DYNC2I2: variants seen among roughly 807,000 people sequenced by gnomAD.
DYNC2I2 encodes dynein 2 intermediate chain 2.
DYNC2I2 carries 39 observed loss-of-function variants against 52.0 expected under a neutral mutation model. The ratio of observed to expected loss-of-function variants is 0.75; its 90% confidence interval spans 0.58 to 0.98. DYNC2I2 has a LOEUF of 0.98. Among genes scored for constraint, DYNC2I2 ranks in the 50% least tolerant of loss-of-function variants. The pLI, the probability that DYNC2I2 is intolerant of heterozygous loss-of-function variation, is 0.00. For missense variants in DYNC2I2, 743 were observed against 728.4 expected (o/e 1.02, Z -0.23); for synonymous variants, 359 against 321.1 (o/e 1.12, Z -1.26).
At chr9:128,674,052 C>A in the DYNC2I2 span, among the ~76,000 whole-genome samples, 1 of 151,658 alleles carries the variant, frequency 6.6e-6, no homozygotes, top group Non-Finnish European at 1.5e-5. Flanking sequence ...AGGTGATCCA[C>A]CCACCTCACC....
intron 1 of DYNC2I2, among the ~76,000 whole-genome samples, chr9:128,646,831 A>G (rs1279875947): frequency 1.3e-5 from 2 of 152,040 alleles, no homozygotes; most frequent in Non-Finnish European, 2.9e-5. Flanking sequence ...AAAGATTTAA[A>G]AATTAGCCAG....
the DYNC2I2 span, among the ~76,000 whole-genome samples, chr9:128,680,004 C>A: frequency 6.6e-6 from 1 of 152,150 alleles, no homozygotes; most frequent in East Asian, 1.9e-4. Context: ...TACCACAAGA[C>A]TCTGGACTTC....
At chr9:128,671,810 C>T in the DYNC2I2 span, among the ~76,000 whole-genome samples, 1 of 150,790 alleles carries the variant, frequency 6.6e-6, no homozygotes, top group South Asian at 2.1e-4. Context: ...CGCCACCATG[C>T]CCGGCTAATT....
At position 128,648,660 on chromosome 9, in the gene DYNC2I2, CGT is replaced by C. The variant is rs556580272; in HGVS notation, c.187-7723_187-7722del. Reference sequence around the variant, plus strand: ...AAAAAAAAAAAAAAAATTAGCCAAGCGTGTTGGCGGGCAACTGTAATCACTGC... The same window carrying C: ...AAAAAAAAAAAAAAAATTAGCCAAGCGTTGGCGGGCAACTGTAATCACTGC... On this transcript the variant is annotated intron_variant, in intron 1 of 8. Transcript: ENST00000372715. Among the ~76,000 whole-genome samples the C allele has an allele frequency of 3.3e-5, 5 of 150,578 alleles. No homozygotes were observed. The South Asian group carries it at 1.0e-3, about 32-fold the overall frequency.
At chr9:128,668,022 A>G in the DYNC2I2 span, among the ~76,000 whole-genome samples, 11 of 89,794 alleles carry the variant, frequency 1.2e-4, no homozygotes, top group African/African-American at 3.9e-4. Context: ...GTGCAGTGGC[A>G]CAATCCCAGC....
rs776197142 is a variant in DYNC2I2 at position 128,633,736 on chromosome 9, G to A, written c.*8C>T. On this transcript the variant is annotated 3_prime_UTR_variant, in exon 9 of 9. Coordinates refer to ENST00000372715, the MANE Select transcript of DYNC2I2 (RefSeq NM_052844.4). ...CAGCGAAGGCTTGCACCCGCCTCCC[G>A]GGACCCCTCAGGCCGCCACCTCTGC... is the stretch of plus-strand genomic sequence containing the variant. The A allele has an allele frequency of 1.6e-5, 25 of 1,610,668 alleles. No individual in the cohort carries two copies. Among genetic ancestry groups the A allele is most frequent in the African/African-American group, 8.0e-5 (6 of 74,874 alleles).
At chr9:128,670,752 GAA>G in the DYNC2I2 span, among the ~76,000 whole-genome samples, 1,452 of 144,742 alleles carry the variant, frequency 0.01, 22 homozygotes, top group East Asian at 0.033. Context: ...AACAACAAAA[GAA>G]AAAAAAAAAA....
Position 128,635,745 on chromosome 9 carries a change from C to T in DYNC2I2, c.726G>A (p.Val242=), listed in dbSNP as rs764781503. Reference sequence around the variant, plus strand: ...CAAGACGGCTCAGGTCCCACACCAACACCTCACCACTGTACAGCCCTCCTG... The same window carrying T: ...CAAGACGGCTCAGGTCCCACACCAATACCTCACCACTGTACAGCCCTCCTG... ...HVAGGLYSGE[V]LVWDLSRLED... is the part of the protein sequence containing the mutation. Residue 242 remains valine (V), a synonymous_variant, in exon 5 of 9, where the codon GTG becomes GTA. Coordinates refer to ENST00000372715, the MANE Select transcript of DYNC2I2 (RefSeq NM_052844.4). 6.2e-7 allele frequency: 1 copy of T among 1,613,114 alleles called. No individual in the cohort carries two copies. The highest frequency in any genetic ancestry group is 8.5e-7 in the Non-Finnish European group (1 of 1,179,584).
the DYNC2I2 span, among the ~76,000 whole-genome samples, chr9:128,666,173 C>T: frequency 3.3e-5 from 5 of 151,672 alleles, no homozygotes; most frequent in Admixed American, 6.6e-5. Context: ...GTCAGCAGTT[C>T]GAGACCTGCC....
chr9:128,668,253 C>A, the DYNC2I2 span, among the ~76,000 whole-genome samples: 1 of 138,468 alleles, frequency 7.2e-6, no homozygotes, highest in East Asian at 2.0e-4. Context: ...GCCACCACGC[C>A]CGGCCAGTCT....
the DYNC2I2 span, among the ~76,000 whole-genome samples, chr9:128,664,411 T>C: frequency 6.6e-6 from 1 of 152,218 alleles, no homozygotes; most frequent in South Asian, 2.1e-4. Flanking sequence ...TTAGACACTC[T>C]ATAAGTATTG....
intron 1 of DYNC2I2, among the ~76,000 whole-genome samples, chr9:128,654,321 C>CT (rs1860775792): frequency 6.6e-6 from 1 of 152,150 alleles, no homozygotes; most frequent in African/African-American, 2.4e-5. Context: ...TCTGCAGGTT[C>CT]ATGCAGCAAG....
At chr9:128,680,390 T>A in the DYNC2I2 span, among the ~76,000 whole-genome samples, 1 of 148,988 alleles carries the variant, frequency 6.7e-6, no homozygotes, top group Non-Finnish European at 1.5e-5. Flanking sequence ...ATTATTATAT[T>A]TTTTTGAGAC....
rs760310956 is a variant in DYNC2I2, at chr9:128,633,835, A to G, written c.1520T>C (p.Val507Ala). Residue 507 changes from valine (V) to alanine (A), a missense_variant, in exon 9 of 9, where the codon GTG (valine) becomes GCG (alanine). By Grantham distance (64) the Val-to-Ala change is moderately conservative (BLOSUM62 0). Transcript: ENST00000372715. ...LLAAGDAQGT[V>A]KVWQLSTEFT... ...CTCTGTGCTCAGCTGCCACACCTTC[A>G]CTGTGCCCTGGGCATCGCCCGCAGC... 1 of 1,613,478 alleles carries G rather than the reference A, an allele frequency of 6.2e-7. No individual in the cohort carries two copies. The highest frequency in any genetic ancestry group is 1.7e-5 in the Admixed American group (1 of 60,022).
chr9:128,674,275 C>T, the DYNC2I2 span, among the ~76,000 whole-genome samples: 1 of 151,600 alleles, frequency 6.6e-6, no homozygotes, highest in Non-Finnish European at 1.5e-5. Flanking sequence ...ACTGGGACTA[C>T]AGGCGCCCGC....
At chr9:128,655,317 G>A (rs1860795900) in intron 1 of DYNC2I2, among the ~76,000 whole-genome samples, 3 of 93,972 alleles carry the variant, frequency 3.2e-5, no homozygotes, top group South Asian at 3.9e-4. Context: ...GGCTAACACG[G>A]TGAAACCCCG....
intron 1 of DYNC2I2, among the ~76,000 whole-genome samples, chr9:128,641,674 C>G (rs1860516423): frequency 6.6e-6 from 1 of 152,154 alleles, no homozygotes; most frequent in South Asian, 2.1e-4. Flanking sequence ...CGGGTGGCTG[C>G]TCAAGGGACA....
the DYNC2I2 span, among the ~76,000 whole-genome samples, chr9:128,671,238 A>T: frequency 6.6e-6 from 1 of 150,594 alleles, no homozygotes; most frequent in Non-Finnish European, 1.5e-5. Flanking sequence ...GTTCAAGACT[A>T]CAGGGAGCTG....
chr9:128,682,618 C>T, the DYNC2I2 span, among the ~76,000 whole-genome samples: 8 of 150,938 alleles, frequency 5.3e-5, no homozygotes, highest in Admixed American at 4.6e-4. Flanking sequence ...TTGAGGCTGC[C>T]GTGAGCCATG....
Sources: gnomAD v4.1 joint callset for allele counts (sites outside exome capture counted in the v4.1 genomes callset) on GRCh38, gnomAD v4.1.1 for gene constraint, MANE v1.5 for transcripts, NCBI Gene and HGNC (gene_info 2026-07-23, HGNC 2026-07-21) for gene names.